Variants in NUP88 observed in about 807,000 individuals in gnomAD.
NUP88 encodes nuclear pore complex protein Nup88.
A neutral mutation model predicts 93.9 loss-of-function variants in NUP88; 57 were observed. That is an observed-to-expected ratio of 0.61 (90% confidence interval 0.49 to 0.76). The LOEUF (loss-of-function observed/expected upper bound fraction) is 0.76. Among genes scored for constraint, NUP88 ranks in the 30% least tolerant of loss-of-function variants. The pLI, the probability that NUP88 is intolerant of heterozygous loss-of-function variation, is 0.00. For missense variants in NUP88, 911 were observed against 901.0 expected (o/e 1.01, Z -0.14); for synonymous variants, 346 against 336.8 (o/e 1.03, Z -0.30).
Position 5,411,928 on chromosome 17 carries a change from CA to C in NUP88, c.594-1140del, listed in dbSNP as rs372777323. ...TTATTACAGTCTTCCTAGGTTCCTA[CA>C]AGCGTTACTAACTTCAAAATACACA... On this transcript the variant is annotated intron_variant, in intron 3 of 16. Coordinates refer to ENST00000573584, the MANE Select transcript of NUP88 (RefSeq NM_002532.6). Among the ~76,000 whole-genome samples, 42 of 152,276 alleles carry C rather than the reference CA, an allele frequency of 2.8e-4. No homozygotes were observed. The East Asian group carries it at 6.2e-3, about 22-fold the overall frequency.
rs923016182 is a variant in NUP88, at chr17:5,419,241, T to C, written c.297+113A>G. On this transcript the variant is annotated intron_variant, in intron 1 of 16. Transcript: ENST00000573584. ...GCGACCGCGTATGGCAGCGTCGGAGTCAATCCGCTGGAACGCCTGCCACAA... is the reference window on the plus strand; with the variant it reads ...GCGACCGCGTATGGCAGCGTCGGAGCCAATCCGCTGGAACGCCTGCCACAA... The C allele has an allele frequency of 4.9e-6, 6 of 1,233,014 alleles. No homozygotes were observed. The African/African-American group carries it at 9.2e-5, about 19-fold the overall frequency. The allele number at this position is 1,233,014 out of a possible 1,614,324, so 76.4% of individuals were successfully genotyped here.
At position 5,387,855 on chromosome 17, in the gene NUP88, G is replaced by A. The variant is rs746375090; in HGVS notation, c.1693C>T (p.Leu565Phe). 2 of 1,613,984 alleles carry A rather than the reference G, an allele frequency of 1.2e-6. No individual in the cohort carries two copies. The highest frequency in any genetic ancestry group is 1.7e-6 in the Non-Finnish European group (2 of 1,179,956). Residue 565 changes from leucine to phenylalanine, a missense_variant, in exon 12 of 17, where the codon CTC (leucine) becomes TTC (phenylalanine). Transcript: ENST00000573584. ...APPPEECLQL[L>F]SRATQVFREQ... ...CTGAACACCTGGGTGGCTCTGCTGA[G>A]GAGCTGAAGGCATTCTTCAGGAGGA...
At chr17:5,404,000 G>T (rs2151642140) in intron 7 of NUP88, 99 bp downstream of exon 7, 1 of 1,273,630 alleles carries the variant, frequency 7.9e-7, no homozygotes. Flanking sequence ...CTTTTTAAAG[G>T]CTGGAACCAC....
Position 5,416,507 on chromosome 17 carries a change from A to T in NUP88, c.467+6T>A. 1 of 1,597,094 alleles carries T rather than the reference A, an allele frequency of 6.3e-7. No individual in the cohort carries two copies. The highest frequency in any genetic ancestry group is 1.1e-5 in the South Asian group (1 of 88,486). On this transcript the variant is annotated splice_donor_region_variant and intron_variant, in intron 2 of 16. Coordinates refer to ENST00000573584, the MANE Select transcript of NUP88 (RefSeq NM_002532.6). ...AAATTATACAGATAAATAGTATACA[A>T]CTTACCTACAATTCACTGTTGATTT...
At chr17:5,404,548 A>G (rs959724086) in intron 6 of NUP88, among the ~76,000 whole-genome samples, 4 of 151,998 alleles carry the variant, frequency 2.6e-5, no homozygotes, top group Non-Finnish European at 5.9e-5. Context: ...CAGGAGGCAG[A>G]GGTTGCAGTG....
At chr17:5,417,041 G>C (rs941290918) in intron 1 of NUP88, among the ~76,000 whole-genome samples, 1 of 151,984 alleles carries the variant, frequency 6.6e-6, no homozygotes, top group African/African-American at 2.4e-5. Context: ...GCCCAGGCTG[G>C]TCTGAACACC....
chr17:5,418,993 G>A (rs372083035), intron 1 of NUP88, among the ~76,000 whole-genome samples: 217 of 152,332 alleles, frequency 1.4e-3, no homozygotes, highest in African/African-American at 3.8e-3. Context: ...CACAACGCAA[G>A]AGAAAGTTAC....
intron 8 of NUP88, among the ~76,000 whole-genome samples, chr17:5,396,299 C>T (rs927408113): frequency 6.6e-6 from 1 of 152,208 alleles, no homozygotes; most frequent in Non-Finnish European, 1.5e-5. Flanking sequence ...AATCACTCCT[C>T]AGTTTCTACC....
chr17:5,415,981 C>A (rs1022964271), intron 2 of NUP88, among the ~76,000 whole-genome samples: 2 of 151,420 alleles, frequency 1.3e-5, no homozygotes, highest in Non-Finnish European at 2.9e-5. Flanking sequence ...CCCGTCTCTA[C>A]TAAAAATACA....
At chr17:5,416,180 T>TATATATATATATAC (rs1374990658) in intron 2 of NUP88, among the ~76,000 whole-genome samples, 4 of 107,306 alleles carry the variant, frequency 3.7e-5, no homozygotes, top group South Asian at 3.4e-4. Flanking sequence ...TATATATATA[T>TATATATATATATAC]ACACACATAC....
At chr17:5,402,710 A>G (rs959285758) in intron 7 of NUP88, among the ~76,000 whole-genome samples, 1 of 152,070 alleles carries the variant, frequency 6.6e-6, no homozygotes, top group African/African-American at 2.4e-5. Context: ...ATTCTTTTTT[A>G]AAGCCAAATA....
chr17:5,404,997 T>C (rs556704435), intron 6 of NUP88, 60 bp downstream of exon 6: 143 of 1,391,490 alleles, frequency 1.0e-4, no homozygotes, highest in Non-Finnish European at 1.3e-4. Context: ...AGCATTCATA[T>C]TGGGTCAGGA....
Position 5,387,917 on chromosome 17 carries a change from G to T in NUP88, c.1644-13C>A. 6.2e-7 allele frequency: 1 copy of T among 1,608,598 alleles called. No homozygotes were observed. The highest frequency in any genetic ancestry group is 2.2e-5 in the East Asian group (1 of 44,702). ...CTTTTCAGAAGCTCTTAAAAACAAAGTTTCTACCTTTATTTTCCTTAGCTG... is the reference window on the plus strand; with the variant it reads ...CTTTTCAGAAGCTCTTAAAAACAAATTTTCTACCTTTATTTTCCTTAGCTG... On this transcript the variant is annotated splice_polypyrimidine_tract_variant and intron_variant, in intron 11 of 16. Coordinates refer to ENST00000573584, the MANE Select transcript of NUP88 (RefSeq NM_002532.6).
Position 5,410,789 on chromosome 17 carries a change from T to C in NUP88, c.594A>G (p.Arg198=), listed in dbSNP as rs751197594. Residue 198 remains arginine (R), a splice_region_variant and synonymous_variant, in exon 4 of 17, where the codon AGA becomes AGG. Coordinates refer to ENST00000573584, the MANE Select transcript of NUP88 (RefSeq NM_002532.6). ...VVLLTSDNVI[R]IYSLREPQTP... ...TCTGCGGCTCACGTAGTGAGTAAAT[T>C]CTAGCAACCAAAAGAGAAGAAAACC... is the stretch of plus-strand genomic sequence containing the variant. The C allele has an allele frequency of 6.9e-6, 11 of 1,592,314 alleles. No homozygotes were observed. In the East Asian group the frequency reaches 2.5e-4, roughly 36 times the overall value.
chr17:5,400,409 T>G (rs538929568), intron 7 of NUP88, among the ~76,000 whole-genome samples: 83 of 148,744 alleles, frequency 5.6e-4, no homozygotes, highest in African/African-American at 2.0e-3. Context: ...GGCAGGAGAA[T>G]CACTTGAACC....
intron 15 of NUP88, 27 bp downstream of exon 15, chr17:5,386,957 A>G (rs1912031811): frequency 6.2e-7 from 1 of 1,605,408 alleles, no homozygotes; most frequent in Admixed American, 1.7e-5. Flanking sequence ...AAATTACCAA[A>G]TTTAGCTAGT....
At chr17:5,407,297 G>A (rs1370710425) in intron 5 of NUP88, among the ~76,000 whole-genome samples, 2 of 152,144 alleles carry the variant, frequency 1.3e-5, no homozygotes. Context: ...CTTCCAAGAT[G>A]AGCAGGCCTA....
chr17:5,387,281 G>A, intron 14 of NUP88, 105 bp downstream of exon 14: 1 of 1,238,890 alleles, frequency 8.1e-7, no homozygotes, highest in Non-Finnish European at 1.2e-6. Context: ...GAGGCAGGGG[G>A]ATCAGTTCAG....
At chr17:5,401,034 T>C (rs1913127646) in intron 7 of NUP88, among the ~76,000 whole-genome samples, 1 of 152,074 alleles carries the variant, frequency 6.6e-6, no homozygotes, top group Non-Finnish European at 1.5e-5. Flanking sequence ...TGAATACCTA[T>C]TATTATGTAT....
Sources: allele counts gnomAD v4.1 joint callset (sites outside exome capture counted in the v4.1 genomes callset), GRCh38; gene constraint gnomAD v4.1.1; transcripts MANE v1.5; gene names NCBI Gene and HGNC (gene_info 2026-07-23, HGNC 2026-07-21).